The following GPR160 variants were observed in gnomAD, a reference collection of about 807,000 sequenced individuals.
GPR160 encodes probable G protein-coupled receptor 160.
GPR160 carries 2 observed loss-of-function variants against 2.6 expected under a neutral mutation model. The observed-to-expected ratio is 0.77, with a 90% CI of 0.32 to 2.44. The LOEUF is 2.44. Ranked by LOEUF, GPR160 falls within the 30% of genes most tolerant of loss-of-function variation. The pLI is 0.11. For missense variants in GPR160, 351 were observed against 383.6 expected, an observed-to-expected ratio of 0.91 and a Z score of 0.71; for synonymous variants, 130 against 132.2, an observed-to-expected ratio of 0.98 and a Z score of 0.12.
At chr3:170,065,815 TAC>T (rs1712297672) in intron 2 of GPR160, among the ~76,000 whole-genome samples, 1 of 152,230 alleles carries the variant, frequency 6.6e-6, no homozygotes, top group African/African-American at 2.4e-5. Context: ...GAATACTTAA[TAC>T]AGTCACATGT....
At chr3:170,080,256 T>C (rs978512079) in intron 3 of GPR160, among the ~76,000 whole-genome samples, 5 of 152,190 alleles carry the variant, frequency 3.3e-5, no homozygotes, top group African/African-American at 2.4e-5. Context: ...TGAACACTTA[T>C]AGTGGTTTAC....
At chr3:170,059,661 A>C (rs1487732070) in intron 2 of GPR160, among the ~76,000 whole-genome samples, 1 of 151,842 alleles carries the variant, frequency 6.6e-6, no homozygotes, top group African/African-American at 2.4e-5. Flanking sequence ...ATTTGCTATT[A>C]GTGTGGCTTC....
intron 2 of GPR160, among the ~76,000 whole-genome samples, chr3:170,058,512 A>T (rs1711760523): frequency 6.6e-6 from 1 of 152,260 alleles, no homozygotes; most frequent in African/African-American, 2.4e-5. Context: ...GGTTACATTG[A>T]CAACAGATTT....
At chr3:170,077,806 T>G (rs1386402266) in intron 2 of GPR160, 1 of 153,888 alleles carries the variant, frequency 6.5e-6, no homozygotes, top group Non-Finnish European at 1.5e-5. Flanking sequence ...ACTGCATATC[T>G]GTGTCTGAGT....
At position 170,084,072 on chromosome 3, in the gene GPR160, G is replaced by A. The variant is rs779646756; in HGVS notation, c.100G>A (p.Gly34Arg). Residue 34 changes from glycine (G) to arginine (R), a missense_variant, in exon 4 of 4, where the codon GGG (glycine) becomes AGG (arginine). Gly to Arg is a moderately radical substitution (Grantham distance 125). Coordinates refer to ENST00000355897, the MANE Select transcript of GPR160 (RefSeq NM_014373.3). ...VNYLLFLIIL[G>R]KILLNILTLG... ...CTATCTGCTATTCTTGATCATACTT[G>A]GGAAAATATTATTAAATATCCTTAC... 6.3e-7 allele frequency: 1 copy of A among 1,588,054 alleles called. No individual in the cohort carries two copies. Among genetic ancestry groups the A allele is most frequent in the East Asian group, 2.2e-5 (1 of 44,618 alleles).
intron 2 of GPR160, among the ~76,000 whole-genome samples, chr3:170,059,137 A>G (rs1262837143): frequency 6.6e-6 from 1 of 152,194 alleles, no homozygotes; most frequent in East Asian, 1.9e-4. Flanking sequence ...TAGTGGAGGA[A>G]ATAAGTATGG....
At chr3:170,048,200 T>C (rs764522050) in intron 2 of GPR160, among the ~76,000 whole-genome samples, 18 of 152,114 alleles carry the variant, frequency 1.2e-4, no homozygotes, top group Non-Finnish European at 1.5e-4. Context: ...TGTAAGTAAG[T>C]GGAAGCTAAG....
At chr3:170,056,045 T>G (rs3772178) in intron 2 of GPR160, among the ~76,000 whole-genome samples, 1 of 152,166 alleles carries the variant, frequency 6.6e-6, no homozygotes, top group African/African-American at 2.4e-5. Flanking sequence ...ATCCCATTCC[T>G]ATATTGTTGA....
chr3:170,061,265 A>T (rs1294188003), intron 2 of GPR160, among the ~76,000 whole-genome samples: 2 of 150,200 alleles, frequency 1.3e-5, no homozygotes, highest in Non-Finnish European at 3.0e-5. Context: ...ACAGAGTGAG[A>T]CTCTGTCTCA....
chr3:170,084,047 C>T lies in GPR160; in HGVS notation c.75C>T (p.Asn25=), dbSNP rs1417724767. The T allele has an allele frequency of 1.9e-6, 3 of 1,582,288 alleles. No individual in the cohort carries two copies. The highest frequency in any genetic ancestry group is 3.7e-5 in the Admixed American group (2 of 54,568). The part of the protein sequence containing the change: ...LRQTNQPLDV[N]YLLFLIILGK... ...AAACAAACCAGCCCCTAGATGTTAACTATCTGCTATTCTTGATCATACTTG... is the reference window on the plus strand; with the variant it reads ...AAACAAACCAGCCCCTAGATGTTAATTATCTGCTATTCTTGATCATACTTG... The change falls in exon 4 of 4, where the codon AAC becomes AAT. Residue 25 remains asparagine (N), a synonymous_variant. Transcript: ENST00000355897.
intron 2 of GPR160, among the ~76,000 whole-genome samples, chr3:170,054,097 T>TTGTGTG (rs35080259): frequency 1.9e-4 from 28 of 150,272 alleles, no homozygotes; most frequent in African/African-American, 6.6e-4. Flanking sequence ...AAAGCAGCGT[T>TTGTGTG]TGTGTGTGTG....
chr3:170,056,853 C>T (rs1159442019), intron 2 of GPR160, among the ~76,000 whole-genome samples: 1 of 152,136 alleles, frequency 6.6e-6, no homozygotes, highest in African/African-American at 2.4e-5. Context: ...GGTAGTTGAA[C>T]CATCACAGTA....
intron 2 of GPR160, among the ~76,000 whole-genome samples, chr3:170,063,749 C>T (rs529017316): frequency 6.6e-6 from 1 of 151,984 alleles, no homozygotes; most frequent in Admixed American, 6.6e-5. Context: ...TCTGGACAGG[C>T]GCTCTTTGAA....
chr3:170,043,434 C>T (rs1193176975), intron 2 of GPR160, among the ~76,000 whole-genome samples: 4 of 152,068 alleles, frequency 2.6e-5, no homozygotes, highest in Admixed American at 6.6e-5. Context: ...CCACCCTCCT[C>T]GGCCTCCCAA....
At chr3:170,045,444 A>AAAAAAC (rs1559981285) in intron 2 of GPR160, among the ~76,000 whole-genome samples, 3 of 127,952 alleles carry the variant, frequency 2.3e-5, no homozygotes, top group Non-Finnish European at 4.8e-5. Context: ...AAAAAAAAAA[A>AAAAAAC]AAACCAATTA....
In GPR160 at chr3:170,084,211, G is replaced by C. The variant is rs189341039; in HGVS notation, c.239G>C (p.Arg80Thr). 47 of 1,598,356 alleles carry C rather than the reference G, an allele frequency of 2.9e-5. No homozygotes were observed. In the Admixed American group the frequency reaches 6.1e-4, roughly 21 times the overall value. The change falls in exon 4 of 4, where the codon AGG (arginine) becomes ACG (threonine). Residue 80 changes from arginine (R) to threonine (T), a missense_variant. Physicochemically the swap from Arg to Thr is moderately conservative, Grantham distance 71. Coordinates refer to ENST00000355897, the MANE Select transcript of GPR160 (RefSeq NM_014373.3). ...LVNISIILYF[R>T]DFVLLSIRFT... ...AACATTTCCATTATATTGTATTTCA[G>C]GGATTTTGTACTTTTAAGCATTAGG...
At chr3:170,062,715 A>G in intron 2 of GPR160, 1 of 1,353,910 alleles carries the variant, frequency 7.4e-7, no homozygotes, top group South Asian at 1.2e-5. Context: ...AAAAAGCTCA[A>G]GGAAAAGTCG....
intron 2 of GPR160, among the ~76,000 whole-genome samples, chr3:170,054,551 T>C (rs1014025970): frequency 6.6e-6 from 1 of 152,210 alleles, no homozygotes; most frequent in African/African-American, 2.4e-5. Flanking sequence ...CAACTGATAC[T>C]GCTATCTACG....
At position 170,084,525 on chromosome 3, in the gene GPR160, C is replaced by T. The variant is rs1238866367; in HGVS notation, c.553C>T (p.Leu185=). The T allele has an allele frequency of 6.2e-7, 1 of 1,612,204 alleles. No individual in the cohort carries two copies. Among genetic ancestry groups the T allele is most frequent in the Non-Finnish European group, 8.5e-7 (1 of 1,178,408 alleles). ...CTATGTCAGCATTCAGAGTTACTGG[C>T]TGTCATTTTTCATGGTGATGATTTT... ...PFYVSIQSYW[L]SFFMVMILFV... The change falls in exon 4 of 4, where the codon CTG becomes TTG. Residue 185 remains leucine (L), a synonymous_variant. Transcript: ENST00000355897.
Sources: gnomAD v4.1 joint callset for allele counts (sites outside exome capture counted in the v4.1 genomes callset) on GRCh38, gnomAD v4.1.1 for gene constraint, MANE v1.5 for transcripts, NCBI Gene and HGNC (gene_info 2026-07-23, HGNC 2026-07-21) for gene names.